The following PGRMC1 variants were observed in gnomAD, a reference collection of about 807,000 sequenced individuals.
The protein encoded by PGRMC1 is membrane-associated progesterone receptor component 1.
For missense variants in PGRMC1, 145 were observed against 169.0 expected, an observed-to-expected ratio of 0.86 and a Z score of 0.79; for synonymous variants, 73 against 77.3, an observed-to-expected ratio of 0.94 and a Z score of 0.29.
Position 119,240,431 on chromosome X carries a change from G to A in PGRMC1, c.451G>A (p.Glu151Lys). The A allele has an allele frequency of 8.3e-7, 1 of 1,208,725 alleles. No individual in the cohort carries two copies. Among genetic ancestry groups the A allele is most frequent in the Non-Finnish European group, 1.1e-6 (1 of 892,844 alleles). The change falls in exon 2 of 3, where the codon GAG becomes AAG. Residue 151 changes from glutamate to lysine, a missense_variant. Transcript: ENST00000217971. ...DLSDLTAAQQETLSDWESQFT... is the reference protein window; with the variant it reads ...DLSDLTAAQQKTLSDWESQFT... ...TTCTGACCTCACTGCTGCCCAGCAG[G>A]AGACTCTGAGTGACTGGGAGTCTCA... is the stretch of plus-strand genomic sequence containing the variant.
rs779526066 is a variant in PGRMC1 at position 119,236,554 on chromosome X, C to T, written c.191C>T (p.Pro64Leu). 72 of 1,207,234 alleles carry T rather than the reference C, an allele frequency of 6.0e-5. 1 individual carries two copies. Among genetic ancestry groups the T allele is most frequent in the Non-Finnish European group, 7.6e-5 (68 of 893,749 alleles). ...SGDSDDDEPPPLPRLKRRDFT... is the reference protein window; with the variant it reads ...SGDSDDDEPPLLPRLKRRDFT... ...GACAGCGACGACGACGAGCCGCCCC[C>T]TCTGCCCCGCCTCAAGCGGCGCGAC... The change falls in exon 1 of 3, where the codon CCT (proline) becomes CTT (leucine). Residue 64 changes from proline (P) to leucine (L), a missense_variant. By Grantham distance (98) the Pro-to-Leu change is moderately conservative (BLOSUM62 -3). Transcript: ENST00000217971.
chrX:119,237,463 G>A (rs1434528963), intron 1 of PGRMC1, among the ~76,000 whole-genome samples: 1 of 110,728 alleles, frequency 9.0e-6, no homozygotes, highest in Non-Finnish European at 1.9e-5. Flanking sequence ...TGTGGCAGAT[G>A]GGGAAAGGCT....
At chrX:119,241,403 T>C (rs1930815639) in intron 2 of PGRMC1, among the ~76,000 whole-genome samples, 1 of 112,270 alleles carries the variant, frequency 8.9e-6, no homozygotes, top group African/African-American at 3.2e-5. Context: ...CTTCCAAGTC[T>C]AGAGGCAAGT....
chrX:119,236,905 A>G (rs1242846158), intron 1 of PGRMC1, among the ~76,000 whole-genome samples: 19 of 112,225 alleles, frequency 1.7e-4, no homozygotes, highest in Admixed American at 1.6e-3. Flanking sequence ...CGGGCCAGTC[A>G]GGGACGCGGA....
chrX:119,241,393 C>T (rs1603280145), intron 2 of PGRMC1, among the ~76,000 whole-genome samples: 1 of 112,201 alleles, frequency 8.9e-6, no homozygotes, highest in East Asian at 2.8e-4. Flanking sequence ...CTACATATAA[C>T]TTCCAAGTCT....
chrX:119,237,692 GA>G (rs933113089), intron 1 of PGRMC1, among the ~76,000 whole-genome samples: 1 of 110,900 alleles, frequency 9.0e-6, no homozygotes, highest in Non-Finnish European at 1.9e-5. Context: ...TGGGTGGGGG[GA>G]TATCAGGAAA....
chrX:119,240,335 A>G lies in PGRMC1; in HGVS notation c.355A>G (p.Arg119Gly), dbSNP rs1930789607. The G allele has an allele frequency of 8.3e-7, 1 of 1,208,693 alleles. No individual in the cohort carries two copies. The highest frequency in any genetic ancestry group is 2.2e-5 in the Admixed American group (1 of 45,741). ...GGGGCCGTATGGGGTCTTTGCTGGA[A>G]GAGATGCATCCAGGGGCCTTGCCAC... ...PEGPYGVFAGRDASRGLATFC... is the reference protein window; with the variant it reads ...PEGPYGVFAGGDASRGLATFC... The change falls in exon 2 of 3, where the codon AGA (arginine) becomes GGA (glycine). Residue 119 changes from arginine (R) to glycine (G), a missense_variant. Arg to Gly is a moderately radical substitution (Grantham distance 125). Transcript: ENST00000217971.
rs781723409 is a variant in PGRMC1 at position 119,238,926 on chromosome X, C to T, written c.329-1383C>T. 1.1e-4 allele frequency among the ~76,000 whole-genome samples: 12 copies of T among 112,545 alleles called. 1 individual carries two copies. Among genetic ancestry groups the T allele is most frequent in the Middle Eastern group, 4.6e-3 (1 of 217 alleles). ...CACAAATCTCTGCCTATGGAGCTTA[C>T]GTTCTAGTGAATATATGTTGCACTG... On this transcript the variant is annotated intron_variant, in intron 1 of 2. Transcript: ENST00000217971.
At position 119,238,207 on chromosome X, in the gene PGRMC1, T is replaced by TATAAAAAATAA. The variant is rs1429304527; in HGVS notation, c.328+1519_328+1529dup. Among the ~76,000 whole-genome samples, 6 of 111,626 alleles carry TATAAAAAATAA rather than the reference T, an allele frequency of 5.4e-5. No homozygotes were observed. In the East Asian group the frequency reaches 1.7e-3, roughly 31 times the overall value. ...TTTTTTCTTGCAGACATTTATTTAT[T>TATAAAAAATAA]ATAAAAAATAAATTTTATTTATTTT... On this transcript the variant is annotated intron_variant, in intron 1 of 2. Coordinates refer to ENST00000217971, the MANE Select transcript of PGRMC1 (RefSeq NM_006667.5).
Position 119,243,211 on chromosome X carries a change from A to G in PGRMC1, c.545A>G (p.Asp182Gly). The change falls in exon 3 of 3, where the codon GAT becomes GGT. Residue 182 changes from aspartate to glycine, a missense_variant. By Grantham distance (94) the Asp-to-Gly change is moderately conservative. Coordinates refer to ENST00000217971, the MANE Select transcript of PGRMC1 (RefSeq NM_006667.5). ...GGGGAGGAGCCCACTGTGTACTCAG[A>G]TGAGGAAGAACCAAAAGATGAGAGT... ...KEGEEPTVYS[D>G]EEEPKDESAR... 5.8e-6 allele frequency: 7 copies of G among 1,203,754 alleles called. No individual in the cohort carries two copies. The highest frequency in any genetic ancestry group is 7.9e-6 in the Non-Finnish European group (7 of 887,852).
intron 1 of PGRMC1, among the ~76,000 whole-genome samples, chrX:119,238,688 G>T (rs1930752166): frequency 2.7e-5 from 3 of 111,964 alleles, no homozygotes; most frequent in African/African-American, 9.7e-5. Context: ...CAGAGCCTTA[G>T]TTTTCCCTCT....
rs1386058764 is a variant in PGRMC1, at chrX:119,236,340, G to A, written c.-24G>A. The A allele has an allele frequency of 1.7e-6, 2 of 1,188,668 alleles. No homozygotes were observed. Among genetic ancestry groups the A allele is most frequent in the Non-Finnish European group, 2.3e-6 (2 of 876,996 alleles). ...CGAGTTCCGGATCCCTGCCTAGCGC[G>A]GCCCAACCTTTACTCCAGAGATCAT... On this transcript the variant is annotated 5_prime_UTR_variant, in exon 1 of 3. Coordinates refer to ENST00000217971, the MANE Select transcript of PGRMC1 (RefSeq NM_006667.5).
In PGRMC1 at chrX:119,236,702, G is replaced by A. The variant is rs749103555; in HGVS notation, c.328+11G>A. Reference sequence around the variant, plus strand: ...AATTCTACGGGCCCGGTACGCGGCCGGCGAGGGGGGCTTGGAGACAAAAGA... The same window carrying A: ...AATTCTACGGGCCCGGTACGCGGCCAGCGAGGGGGGCTTGGAGACAAAAGA... On this transcript the variant is annotated intron_variant, in intron 1 of 2. Coordinates refer to ENST00000217971, the MANE Select transcript of PGRMC1 (RefSeq NM_006667.5). The A allele has an allele frequency of 1.4e-5, 16 of 1,158,389 alleles. No homozygotes were observed. The highest frequency in any genetic ancestry group is 2.5e-5 in the Admixed American group (1 of 40,260).
intron 2 of PGRMC1, among the ~76,000 whole-genome samples, chrX:119,242,931 A>G (rs1191506807): frequency 8.9e-6 from 1 of 112,457 alleles, no homozygotes; most frequent in Non-Finnish European, 1.9e-5. Context: ...TTGCACACTC[A>G]TTGCCAGACG....
At position 119,239,962 on chromosome X, in the gene PGRMC1, A is replaced by G. The variant is rs41294896; in HGVS notation, c.329-347A>G. Among the ~76,000 whole-genome samples the G allele has an allele frequency of 5.3e-3, 599 of 112,156 alleles. 8 individuals carry two copies. Among genetic ancestry groups the G allele is most frequent in the African/African-American group, 0.018 (549 of 30,887 alleles). ...ACTGGTGTAGCCCCAAGTGCCTAGA[A>G]CTGTCAGGCTCCCAGTTCAATGTTC... On this transcript the variant is annotated intron_variant, in intron 1 of 2. Coordinates refer to ENST00000217971, the MANE Select transcript of PGRMC1 (RefSeq NM_006667.5).
rs970607654 is a variant in PGRMC1 at position 119,236,292 on chromosome X, C to A, written c.-72C>A. 17 of 1,025,324 alleles carry A rather than the reference C, an allele frequency of 1.7e-5. No homozygotes were observed. The East Asian group carries it at 4.0e-4, about 24-fold the overall frequency. The allele number at this position is 1,025,324 out of a possible 1,213,427, so 84.5% of individuals were successfully genotyped here. A position where few individuals can be genotyped will look rare whatever the true frequency, so the allele number is the denominator to read the frequency against. ...CGCCGAACCCCGCGCGCCACTCGCTCGCTCAGAGGGAGGAGAAAGTGGCGA... is the reference window on the plus strand; with the variant it reads ...CGCCGAACCCCGCGCGCCACTCGCTAGCTCAGAGGGAGGAGAAAGTGGCGA... On this transcript the variant is annotated 5_prime_UTR_variant, in exon 1 of 3. Coordinates refer to ENST00000217971, the MANE Select transcript of PGRMC1 (RefSeq NM_006667.5).
chrX:119,236,396 C>G lies in PGRMC1; in HGVS notation c.33C>G (p.Ala11=), dbSNP rs1481588714. 3 of 1,209,655 alleles carry G rather than the reference C, an allele frequency of 2.5e-6. No individual in the cohort carries two copies. The highest frequency in any genetic ancestry group is 3.4e-6 in the Non-Finnish European group (3 of 894,729). Residue 11 remains alanine, a synonymous_variant, in exon 1 of 3, where the codon GCC becomes GCG. Coordinates refer to ENST00000217971, the MANE Select transcript of PGRMC1 (RefSeq NM_006667.5). ...CCGAGGATGTGGTGGCGACTGGCGC[C>G]GACCCAAGCGATCTGGAGAGCGGCG... MAAEDVVATG[A]DPSDLESGGL...
At chrX:119,239,754 C>T (rs890360712) in intron 1 of PGRMC1, among the ~76,000 whole-genome samples, 7 of 111,816 alleles carry the variant, frequency 6.3e-5, no homozygotes, top group African/African-American at 2.3e-4. Flanking sequence ...GATTTTTAAA[C>T]CACCGATACT....
At chrX:119,242,898 A>C (rs1162145197) in intron 2 of PGRMC1, among the ~76,000 whole-genome samples, 1 of 112,307 alleles carries the variant, frequency 8.9e-6, no homozygotes, top group African/African-American at 3.2e-5. Flanking sequence ...CCTTACACAC[A>C]AACAATTCAT....
Sources: gnomAD v4.1 joint callset for allele counts (sites outside exome capture counted in the v4.1 genomes callset) on GRCh38, gnomAD v4.1.1 for gene constraint, MANE v1.5 for transcripts, NCBI Gene and HGNC (gene_info 2026-07-23, HGNC 2026-07-21) for gene names.